The following CPEB1 variants were observed in gnomAD, a reference collection of about 807,000 sequenced individuals.
CPEB1 encodes the protein cytoplasmic polyadenylation element-binding protein 1.
In CPEB1, 7 loss-of-function variants were observed where a neutral mutation model predicts 65.8. The observed-to-expected ratio is 0.11, with a 90% CI of 0.06 to 0.20. CPEB1 has a LOEUF of 0.20. Among genes scored for constraint, CPEB1 ranks in the 10% least tolerant of loss-of-function variants. The probability of loss-of-function intolerance (pLI) is 1.00; values close to 1 mark genes in which losing one functional copy is unlikely to be tolerated. For synonymous variants in CPEB1, 262 were observed against 260.0 expected (o/e 1.01, Z -0.08); for missense variants, 551 against 712.2 (o/e 0.77, Z 2.58).
chr15:82,612,923 AAAAC>A (rs966959104), intron 3 of CPEB1, among the ~76,000 whole-genome samples: 2 of 152,292 alleles, frequency 1.3e-5, no homozygotes, highest in African/African-American at 2.4e-5. Context: ...CAAAAAAACA[AAAAC>A]AAACAAAAAC....
intron 1 of CPEB1, among the ~76,000 whole-genome samples, chr15:82,636,529 A>C (rs922523305): frequency 9.9e-5 from 15 of 152,208 alleles, no homozygotes; most frequent in African/African-American, 3.4e-4. Flanking sequence ...GAAATACTAC[A>C]ATTTCCAGGA....
chr15:82,558,011 C>T lies in CPEB1; in HGVS notation c.461-25G>A, dbSNP rs1218828819. ...ACTAGGAGGACAAAAAAGGAAACCTCATGACCTCTTAGTTTTCTTTGCAGC... is the reference window on the plus strand; with the variant it reads ...ACTAGGAGGACAAAAAAGGAAACCTTATGACCTCTTAGTTTTCTTTGCAGC... On this transcript the variant is annotated intron_variant, in intron 4 of 12. Coordinates refer to ENST00000684509, the MANE Select transcript of CPEB1 (RefSeq NM_001365242.1). 4 of 1,493,838 alleles carry T rather than the reference C, an allele frequency of 2.7e-6. No homozygotes were observed. In the South Asian group the frequency reaches 5.1e-5, roughly 19 times the overall value. 92.5% of individuals were successfully genotyped at this position (1,493,838 alleles called of 1,614,324 possible).
intron 8 of CPEB1, among the ~76,000 whole-genome samples, chr15:82,553,193 G>A (rs1172132427): frequency 6.6e-6 from 1 of 152,160 alleles, no homozygotes; most frequent in Non-Finnish European, 1.5e-5. Flanking sequence ...GTGCTGCTTG[G>A]GTTCAGGTTT....
In CPEB1 at chr15:82,571,511, G is replaced by C. The variant is rs181711228; in HGVS notation, c.293C>G (p.Thr98Arg). Residue 98 changes from threonine to arginine, a missense_variant, in exon 4 of 13, where the codon ACA (threonine) becomes AGA (arginine). Thr to Arg is a moderately conservative substitution (Grantham distance 71). Around this residue, in one of 6 missense-constraint regions of CPEB1, gnomAD observed 223 missense variants for 228.6 expected, o/e 0.98. Transcript: ENST00000684509. ...TGGGAAAAGCATCCTGCTTGTAACT[G>C]TTTCTTCAGAGTCCTGGAAGTCTGT... ...HLPDFQDSEE[T>R]VTSRMLFPTS... 160 of 1,613,942 alleles carry C rather than the reference G, an allele frequency of 9.9e-5. No homozygotes were observed. In the East Asian group the frequency reaches 3.3e-3, roughly 33 times the overall value.
At chr15:82,564,788 G>A (rs1167854418) in intron 4 of CPEB1, among the ~76,000 whole-genome samples, 1 of 152,152 alleles carries the variant, frequency 6.6e-6, no homozygotes, top group Non-Finnish European at 1.5e-5. Flanking sequence ...TGCTTGAGGA[G>A]GGGCAGGGTG....
chr15:82,621,875 A>C (rs904658900), intron 3 of CPEB1, among the ~76,000 whole-genome samples: 7 of 152,170 alleles, frequency 4.6e-5, no homozygotes, highest in Non-Finnish European at 1.0e-4. Flanking sequence ...ATTCCTTTCT[A>C]AACCTCCAAG....
intron 1 of CPEB1, among the ~76,000 whole-genome samples, chr15:82,636,625 C>T (rs2046680387): frequency 6.6e-6 from 1 of 152,184 alleles, no homozygotes; most frequent in South Asian, 2.1e-4. Context: ...TTTTAACTCT[C>T]ATCACTTACC....
At chr15:82,587,954 C>T (rs566221597) in intron 3 of CPEB1, among the ~76,000 whole-genome samples, 2 of 152,224 alleles carry the variant, frequency 1.3e-5, no homozygotes, top group East Asian at 3.9e-4. Flanking sequence ...CAGGCTCTGG[C>T]TCTGTCACAC....
intron 3 of CPEB1, among the ~76,000 whole-genome samples, chr15:82,584,026 G>C (rs529576678): frequency 6.7e-6 from 1 of 149,762 alleles, no homozygotes; most frequent in Non-Finnish European, 1.5e-5. Flanking sequence ...TTGGGAGGTC[G>C]AGGCAGGTGG....
intron 3 of CPEB1, among the ~76,000 whole-genome samples, chr15:82,584,709 T>G (rs142822670): frequency 6.8e-6 from 1 of 147,900 alleles, no homozygotes; most frequent in African/African-American, 2.5e-5. Context: ...CCATAATGCA[T>G]CTATCTACAC....
chr15:82,587,323 A>T (rs1157174781), intron 3 of CPEB1, among the ~76,000 whole-genome samples: 1 of 152,238 alleles, frequency 6.6e-6, no homozygotes, highest in Non-Finnish European at 1.5e-5. Context: ...TGGTAACTGT[A>T]TTATAAGAAT....
chr15:82,617,734 T>C, intron 3 of CPEB1, among the ~76,000 whole-genome samples: 1 of 128,582 alleles, frequency 7.8e-6, no homozygotes, highest in East Asian at 2.2e-4. Flanking sequence ...GTTTTTTTTT[T>C]TTTTTTTTTT....
intron 12 of CPEB1, 26 bp downstream of exon 12, chr15:82,546,415 A>G (rs769460266): frequency 6.3e-7 from 1 of 1,587,912 alleles, no homozygotes; most frequent in South Asian, 1.1e-5. Flanking sequence ...AATAGAGGGC[A>G]GGGACTTCAT....
At chr15:82,619,052 C>T (rs1483622720) in intron 3 of CPEB1, among the ~76,000 whole-genome samples, 1 of 152,180 alleles carries the variant, frequency 6.6e-6, no homozygotes, top group Non-Finnish European at 1.5e-5. Flanking sequence ...TCACTACCAA[C>T]TATCAAAGCC....
chr15:82,599,709 GA>G (rs2042945354), intron 3 of CPEB1, among the ~76,000 whole-genome samples: 1 of 152,124 alleles, frequency 6.6e-6, no homozygotes, highest in Non-Finnish European at 1.5e-5. Context: ...CCCAAGAAGG[GA>G]AATGAATAGG....
chr15:82,624,923 G>A (rs901877605), intron 3 of CPEB1, among the ~76,000 whole-genome samples: 1 of 151,646 alleles, frequency 6.6e-6, no homozygotes, highest in Non-Finnish European at 1.5e-5. Context: ...CCGCAGTCTC[G>A]ACCTCCCAGG....
At chr15:82,555,794 T>A (rs927396502) in intron 6 of CPEB1, 76 bp downstream of exon 6, 1 of 1,470,132 alleles carries the variant, frequency 6.8e-7, no homozygotes, top group East Asian at 2.3e-5. Flanking sequence ...AGTTCACAAG[T>A]GTGTGAACTA....
intron 3 of CPEB1, among the ~76,000 whole-genome samples, chr15:82,575,609 T>C (rs1401842546): frequency 6.6e-6 from 1 of 152,078 alleles, no homozygotes; most frequent in Non-Finnish European, 1.5e-5. Flanking sequence ...AGTAACGAAA[T>C]CTCAATTGTT....
At chr15:82,571,273 T>C (rs1279018017) in intron 4 of CPEB1, 71 bp downstream of exon 4, 13 of 1,542,922 alleles carry the variant, frequency 8.4e-6, no homozygotes, top group African/African-American at 2.7e-5. Flanking sequence ...GAACAACTGT[T>C]GCTGTGGATA....
Sources: allele counts gnomAD v4.1 joint callset (sites outside exome capture counted in the v4.1 genomes callset), GRCh38; gene constraint gnomAD v4.1.1; regional missense constraint gnomAD v4.1.1; transcripts MANE v1.5; gene names NCBI Gene and HGNC (gene_info 2026-07-23, HGNC 2026-07-21).